Variants in KATNIP observed in about 807,000 individuals in gnomAD.
The protein encoded by KATNIP is katanin-interacting protein.
In KATNIP, 126 loss-of-function variants were observed where a neutral mutation model predicts 174.0. The ratio of observed to expected loss-of-function variants is 0.72; its 90% CI spans 0.63 to 0.84. KATNIP has a LOEUF of 0.84. KATNIP is among the 40% of genes least tolerant of loss of function. The pLI, the probability that KATNIP is intolerant of heterozygous loss-of-function variation, is 0.00. For synonymous variants in KATNIP, 810 were observed against 835.7 expected (o/e 0.97, Z 0.53); for missense variants, 1,958 against 2,109.7 (o/e 0.93, Z 1.41).
At chr16:27,593,422 G>C (rs900314543) in intron 2 of KATNIP, among the ~76,000 whole-genome samples, 1 of 152,036 alleles carries the variant, frequency 6.6e-6, no homozygotes, top group East Asian at 1.9e-4. Flanking sequence ...ATTTTTAGTA[G>C]AGATGGGGTT....
chr16:27,747,155 G>T (rs1235281386), intron 15 of KATNIP, among the ~76,000 whole-genome samples: 1 of 152,230 alleles, frequency 6.6e-6, no homozygotes, highest in Non-Finnish European at 1.5e-5. Flanking sequence ...CTGAGGGTAG[G>T]ACTGGGGTGA....
intron 18 of KATNIP, among the ~76,000 whole-genome samples, chr16:27,756,446 G>A (rs2081732029): frequency 6.6e-6 from 1 of 152,250 alleles, no homozygotes; most frequent in African/African-American, 2.4e-5. Flanking sequence ...TCAGGCAGCT[G>A]AGGCTCAGAG....
At chr16:27,596,315 A>G (rs1350938008) in intron 2 of KATNIP, among the ~76,000 whole-genome samples, 1 of 152,068 alleles carries the variant, frequency 6.6e-6, no homozygotes, top group Admixed American at 6.6e-5. Flanking sequence ...GGTGGGAGAG[A>G]GAGAAAAAAA....
intron 14 of KATNIP, among the ~76,000 whole-genome samples, chr16:27,736,209 G>A (rs1374946802): frequency 6.6e-6 from 1 of 152,060 alleles, no homozygotes; most frequent in Non-Finnish European, 1.5e-5. Flanking sequence ...CATCATGTTG[G>A]CCAGACTGGT....
intron 5 of KATNIP, among the ~76,000 whole-genome samples, chr16:27,635,225 A>G (rs1054319227): frequency 6.6e-6 from 1 of 152,242 alleles, no homozygotes; most frequent in Non-Finnish European, 1.5e-5. Context: ...TTTCAGTTAC[A>G]AGGAAGTGGG....
At chr16:27,643,643 G>T (rs1030932234) in intron 5 of KATNIP, among the ~76,000 whole-genome samples, 2 of 146,982 alleles carry the variant, frequency 1.4e-5, no homozygotes, top group African/African-American at 5.0e-5. Flanking sequence ...ATGCACCTGA[G>T]TGCTTGGAGT....
chr16:27,767,538 A>C (rs543624980), intron 20 of KATNIP, among the ~76,000 whole-genome samples: 19 of 152,260 alleles, frequency 1.2e-4, no homozygotes, highest in African/African-American at 4.6e-4. Flanking sequence ...TGGGCAATAC[A>C]GAGAGACCCC....
In KATNIP at chr16:27,703,160, T is replaced by A. The variant is rs1418791339; in HGVS notation, c.1287-736T>A. Among the ~76,000 whole-genome samples, 23 of 145,468 alleles carry A rather than the reference T, an allele frequency of 1.6e-4. 3 individuals are homozygous for A. Among genetic ancestry groups the A allele is most frequent in the Admixed American group, 1.2e-3 (18 of 14,528 alleles). On this transcript the variant is annotated intron_variant, in intron 11 of 27. Coordinates refer to ENST00000261588, the MANE Select transcript of KATNIP (RefSeq NM_015202.5). ...CCAGCCTGGGCAACAAGAGCAAAAC[T>A]CCATCTCAAAAAAAAAAAAAGAAAG... is the stretch of plus-strand genomic sequence containing the variant.
intron 1 of KATNIP, among the ~76,000 whole-genome samples, chr16:27,553,529 T>TG (rs1368389470): frequency 2.6e-4 from 39 of 152,342 alleles, no homozygotes; most frequent in Non-Finnish European, 1.9e-4. Context: ...AAGAATGTCC[T>TG]GATGGTTGGG....
chr16:27,688,076 A>G (rs1305467861), intron 8 of KATNIP, among the ~76,000 whole-genome samples: 1 of 152,152 alleles, frequency 6.6e-6, no homozygotes, highest in East Asian at 1.9e-4. Context: ...TTAGCTTTAC[A>G]CTTCTCTAGC....
At chr16:27,578,900 A>G (rs1343154711) in intron 2 of KATNIP, among the ~76,000 whole-genome samples, 2 of 152,282 alleles carry the variant, frequency 1.3e-5, no homozygotes, top group East Asian at 3.9e-4. Flanking sequence ...TTTCTGAAAA[A>G]TGTAGCTTTG....
At chr16:27,725,350 C>T (rs369509867) in intron 14 of KATNIP, among the ~76,000 whole-genome samples, 4 of 152,154 alleles carry the variant, frequency 2.6e-5, no homozygotes, top group African/African-American at 9.7e-5. Context: ...TCTCTTTTGC[C>T]AACTCGGATG....
At chr16:27,659,916 C>A in intron 6 of KATNIP, 1 of 704,390 alleles carries the variant, frequency 1.4e-6, no homozygotes, top group South Asian at 6.4e-5. Flanking sequence ...GAAAACTTTT[C>A]TTCTGAGCAT....
chr16:27,777,635 A>T lies in KATNIP; in HGVS notation c.4577A>T (p.Tyr1526Phe). ...FGLLVDDLLVYNGILAMVSHL... is the reference protein window; with the variant it reads ...FGLLVDDLLVFNGILAMVSHL... ...CTCCTGGTGGACGACCTGCTTGTGT[A>T]CAATGGGATCCTGGCCATGGTGAGC... Residue 1526 changes from tyrosine to phenylalanine, a missense_variant, in exon 26 of 28, where the codon TAC (tyrosine) becomes TTC (phenylalanine). This residue lies in a region of KATNIP where 383 missense variants were observed against 456.0 expected (regional missense o/e 0.84). Coordinates refer to ENST00000261588, the MANE Select transcript of KATNIP (RefSeq NM_015202.5). This position sits in a 1 kb window ranked among gnomAD's most constrained non-coding sequence, Gnocchi z 4.4. The T allele has an allele frequency of 6.2e-7, 1 of 1,613,022 alleles. No homozygotes were observed. The highest frequency in any genetic ancestry group is 1.3e-5 in the African/African-American group (1 of 75,054).
intron 3 of KATNIP, among the ~76,000 whole-genome samples, chr16:27,626,232 T>C (rs2076329384): frequency 6.9e-6 from 1 of 145,784 alleles, no homozygotes; most frequent in Admixed American, 6.9e-5. Flanking sequence ...TCCCCCATGT[T>C]TCTATAGAGT....
At chr16:27,684,711 A>G (rs1181181219) in intron 8 of KATNIP, among the ~76,000 whole-genome samples, 2 of 152,210 alleles carry the variant, frequency 1.3e-5, no homozygotes, top group Non-Finnish European at 2.9e-5. Flanking sequence ...AGTCCATTCC[A>G]GGCCTCTCTC....
chr16:27,743,053 C>T (rs1472514204), intron 15 of KATNIP, among the ~76,000 whole-genome samples: 1 of 152,154 alleles, frequency 6.6e-6, no homozygotes, highest in African/African-American at 2.4e-5. Context: ...TGTTCCCTTC[C>T]CTGTATTCAT....
At chr16:27,731,249 C>T (rs1473864177) in intron 14 of KATNIP, among the ~76,000 whole-genome samples, 1 of 152,212 alleles carries the variant, frequency 6.6e-6, no homozygotes, top group Non-Finnish European at 1.5e-5. Context: ...GGGGCTCCTC[C>T]TATGGCTGCT....
intron 13 of KATNIP, among the ~76,000 whole-genome samples, chr16:27,716,881 G>T (rs531676556): frequency 6.6e-6 from 1 of 151,488 alleles, no homozygotes; most frequent in South Asian, 2.1e-4. Flanking sequence ...GTCTCACACT[G>T]TCGCCCAGGC....
Sources: allele counts gnomAD v4.1 joint callset (sites outside exome capture counted in the v4.1 genomes callset), GRCh38; gene constraint gnomAD v4.1.1; regional missense constraint gnomAD v4.1.1; non-coding constraint Gnocchi (gnomAD v3.1); transcripts MANE v1.5; gene names NCBI Gene and HGNC (gene_info 2026-07-23, HGNC 2026-07-21).